TMEM108: variants seen among roughly 807,000 people sequenced by gnomAD.
TMEM108 encodes the protein transmembrane protein 108.
TMEM108 carries 12 observed loss-of-function variants against 35.1 expected under a neutral mutation model. The ratio of observed to expected loss-of-function variants is 0.34; its 90% CI spans 0.22 to 0.55. The LOEUF (loss-of-function observed/expected upper bound fraction) is 0.55, where lower values mean the gene tolerates loss of function less well. TMEM108 is among the 20% of genes least tolerant of loss of function. TMEM108 has a pLI of 0.89. For missense variants in TMEM108, 680 were observed against 753.3 expected (o/e 0.90, Z 1.14); for synonymous variants, 287 against 308.6 (o/e 0.93, Z 0.73).
chr3:133,387,999 C>G (rs2073179392), intron 4 of TMEM108: 1 of 985,344 alleles, frequency 1.0e-6, no homozygotes, highest in South Asian at 4.7e-5. Flanking sequence ...CCCTGCCAGC[C>G]TGTGTTCTGT....
At position 133,228,005 on chromosome 3, in the gene TMEM108, T is replaced by C. The variant is rs546660269; in HGVS notation, c.-46-1261T>C. Among the ~76,000 whole-genome samples, 12 of 152,256 alleles carry C rather than the reference T, an allele frequency of 7.9e-5. No individual in the cohort carries two copies. The South Asian group carries it at 2.5e-3, about 32-fold the overall frequency. ...TAGCCAAATCCATAGAGACAATAGA[T>C]TAATGGTTGCCAAAGGAGGGGAAAT... On this transcript the variant is annotated intron_variant, in intron 2 of 5. Transcript: ENST00000321871.
rs117522931 is a variant in TMEM108, at chr3:133,089,846, G to T, written c.-47+43826G>T. On this transcript the variant is annotated intron_variant, in intron 2 of 5. Coordinates refer to ENST00000321871, the MANE Select transcript of TMEM108 (RefSeq NM_023943.4). ...AGACAGCAAATAGATTTGTTTGCTG[G>T]CTGTATATCAGCATTTGTAAGAGTT... is the stretch of plus-strand genomic sequence containing the variant. Among the ~76,000 whole-genome samples, 8 of 152,320 alleles carry T rather than the reference G, an allele frequency of 5.3e-5. No individual in the cohort carries two copies. In the East Asian group the frequency reaches 1.5e-3, roughly 29 times the overall value.
chr3:133,049,487 G>C (rs1943378527), intron 2 of TMEM108, among the ~76,000 whole-genome samples: 1 of 152,130 alleles, frequency 6.6e-6, no homozygotes, highest in Admixed American at 6.5e-5. Context: ...TAGAATGATA[G>C]TATGCTCTTG....
intron 2 of TMEM108, among the ~76,000 whole-genome samples, chr3:133,175,453 A>G (rs565463267): frequency 1.1e-4 from 16 of 152,260 alleles, no homozygotes; most frequent in Admixed American, 2.0e-4. Context: ...AGGGAAGCCC[A>G]TCAGACTAAC....
intron 3 of TMEM108, among the ~76,000 whole-genome samples, chr3:133,301,960 T>C (rs1229784738): frequency 2.0e-5 from 3 of 152,138 alleles, no homozygotes; most frequent in Non-Finnish European, 4.4e-5. Flanking sequence ...TCCCTGCCCT[T>C]CCTCTGCCTC....
intron 3 of TMEM108, among the ~76,000 whole-genome samples, chr3:133,238,423 C>A (rs1946269412): frequency 6.6e-6 from 1 of 152,162 alleles, no homozygotes; most frequent in Admixed American, 6.5e-5. Context: ...CTAAAAAAGA[C>A]AAAACGTTTC....
At chr3:133,122,705 T>C (rs1175945972) in intron 2 of TMEM108, among the ~76,000 whole-genome samples, 1 of 151,730 alleles carries the variant, frequency 6.6e-6, no homozygotes, top group Middle Eastern at 3.2e-3. Context: ...CTACTAAAAA[T>C]ACAAAAAATT....
At chr3:133,083,177 C>T (rs1214232916) in intron 2 of TMEM108, among the ~76,000 whole-genome samples, 1 of 132,684 alleles carries the variant, frequency 7.5e-6, no homozygotes, top group Non-Finnish European at 1.6e-5. Flanking sequence ...AAAGCCCCCC[C>T]CCACCCCCCG....
intron 3 of TMEM108, among the ~76,000 whole-genome samples, chr3:133,322,963 T>C (rs2071285347): frequency 6.6e-6 from 1 of 152,158 alleles, no homozygotes; most frequent in Non-Finnish European, 1.5e-5. Flanking sequence ...TCCAGCATCC[T>C]TTATGATTAA....
At chr3:133,052,854 C>T (rs187613977) in intron 2 of TMEM108, among the ~76,000 whole-genome samples, 4 of 152,248 alleles carry the variant, frequency 2.6e-5, no homozygotes, top group Admixed American at 2.0e-4. Context: ...CTAACCAAGT[C>T]ATTGTGTCAA....
Position 133,046,831 on chromosome 3 carries a change from T to C in TMEM108, c.-47+811T>C, listed in dbSNP as rs569782091. Among the ~76,000 whole-genome samples, 18 of 138,516 alleles carry C rather than the reference T, an allele frequency of 1.3e-4. No individual in the cohort carries two copies. In the South Asian group the frequency reaches 4.0e-3, roughly 31 times the overall value. The allele number at this position is 138,516 out of a possible 152,430, so 90.9% of individuals were successfully genotyped here. ...ATATAAATATAAGAAAAGCTGAGGA[T>C]GGTTAAGAATGAGGGATAGGAGGTT... On this transcript the variant is annotated intron_variant, in intron 2 of 5. Transcript: ENST00000321871.
chr3:133,290,088 A>C (rs1415680402), intron 3 of TMEM108, among the ~76,000 whole-genome samples: 1 of 152,070 alleles, frequency 6.6e-6, no homozygotes, highest in African/African-American at 2.4e-5. Context: ...GATTAACAGT[A>C]AGCATGCATC....
At chr3:133,119,253 A>C (rs1944323435) in intron 2 of TMEM108, 1 of 151,412 alleles carries the variant, frequency 6.6e-6, no homozygotes, top group African/African-American at 2.4e-5. Context: ...AAAAAGAGGG[A>C]AAAAAGAGTA....
At chr3:133,299,972 A>G (rs766222190) in intron 3 of TMEM108, among the ~76,000 whole-genome samples, 21 of 152,194 alleles carry the variant, frequency 1.4e-4, no homozygotes, top group Non-Finnish European at 2.8e-4. Flanking sequence ...AGAAATAGAA[A>G]CAGCTGATTT....
chr3:133,129,488 A>G (rs938978747), intron 2 of TMEM108, among the ~76,000 whole-genome samples: 2 of 152,104 alleles, frequency 1.3e-5, no homozygotes, highest in African/African-American at 4.8e-5. Context: ...AATAACTACC[A>G]TAAACCCAGA....
intron 2 of TMEM108, among the ~76,000 whole-genome samples, chr3:133,066,461 T>C (rs1415903496): frequency 4.6e-5 from 7 of 152,128 alleles, no homozygotes; most frequent in Non-Finnish European, 1.0e-4. Flanking sequence ...ATAATAAGAA[T>C]AGAACTTGAA....
At chr3:133,321,998 C>A (rs939669160) in intron 3 of TMEM108, among the ~76,000 whole-genome samples, 2 of 152,102 alleles carry the variant, frequency 1.3e-5, no homozygotes, top group Non-Finnish European at 2.9e-5. Context: ...TTTGACACAG[C>A]TTATCAAAAC....
At chr3:133,231,286 T>C (rs937825083) in intron 3 of TMEM108, among the ~76,000 whole-genome samples, 4 of 152,248 alleles carry the variant, frequency 2.6e-5, no homozygotes, top group Non-Finnish European at 5.9e-5. Context: ...TTCTGGTTTT[T>C]CATTATTACA....
chr3:133,323,936 T>G (rs1021064682), intron 3 of TMEM108, among the ~76,000 whole-genome samples: 3 of 152,218 alleles, frequency 2.0e-5, no homozygotes, highest in Non-Finnish European at 4.4e-5. Context: ...AGGGACACCC[T>G]GTTCAACAAG....
Sources: gnomAD v4.1 joint callset for allele counts (sites outside exome capture counted in the v4.1 genomes callset) on GRCh38, gnomAD v4.1.1 for gene constraint, MANE v1.5 for transcripts, NCBI Gene and HGNC (gene_info 2026-07-23, HGNC 2026-07-21) for gene names.